FNTB: variants seen among roughly 807,000 people sequenced by gnomAD.
The protein encoded by FNTB is farnesyltransferase, CAAX box, subunit beta.
In FNTB, 27 loss-of-function variants were observed where a neutral mutation model predicts 59.4. That is an observed-to-expected ratio of 0.45 (90% CI 0.34 to 0.63). The LOEUF is 0.63. Ranked by LOEUF, FNTB falls within the 20% of genes least tolerant of loss-of-function variation. The pLI is 0.02. For synonymous variants in FNTB, 230 were observed against 220.7 expected (o/e 1.04, Z -0.37); for missense variants, 449 against 559.6 (o/e 0.80, Z 1.99).
At chr14:65,059,837 CTTTTTTTT>C (rs34459085) in intron 11 of FNTB, among the ~76,000 whole-genome samples, 7 of 134,242 alleles carry the variant, frequency 5.2e-5, no homozygotes, top group African/African-American at 2.0e-4. Context: ...GTCCTTTTTT[CTTTTTTTT>C]TTTTTTTTGA....
chr14:65,033,934 TAAAA>T (rs947856293), intron 7 of FNTB, among the ~76,000 whole-genome samples: 1 of 152,216 alleles, frequency 6.6e-6, no homozygotes, highest in African/African-American at 2.4e-5. Context: ...CTGTTTTAGT[TAAAA>T]AAATTTTATT....
In FNTB at chr14:65,018,809, TAAA is replaced by T. The variant is rs34066098; in HGVS notation, c.374+3110_374+3112del. ...TGGAGGACAGAGTGAGACTCTGTCT[TAAA>T]AAAAAAAAAAAAAAAAGGCCAGGCG... On this transcript the variant is annotated intron_variant, in intron 4 of 11. Coordinates refer to ENST00000246166, the MANE Select transcript of FNTB (RefSeq NM_002028.4). Among the ~76,000 whole-genome samples, 559 of 108,446 alleles carry T rather than the reference TAAA, an allele frequency of 5.2e-3. 9 individuals are homozygous for T. The highest frequency in any genetic ancestry group is 0.031 in the South Asian group (103 of 3,364). 71.1% of individuals were successfully genotyped at this position (108,446 alleles called of 152,430 possible).
chr14:65,043,374 T>G (rs2062395194), intron 8 of FNTB, among the ~76,000 whole-genome samples: 1 of 152,214 alleles, frequency 6.6e-6, no homozygotes, highest in African/African-American at 2.4e-5. Context: ...GTAAAAGATT[T>G]TCTTATATCA....
chr14:65,020,733 CTTT>C (rs71123901), intron 4 of FNTB, among the ~76,000 whole-genome samples: 1 of 123,320 alleles, frequency 8.1e-6, no homozygotes, highest in Non-Finnish European at 1.7e-5. Context: ...CGCGCCCGGC[CTTT>C]TTTTTTTTTT....
In FNTB at chr14:65,009,914, C is replaced by T. The variant is rs553400694; in HGVS notation, c.210-2403C>T. ...ACATGTGTGTCCACCTCTGGACTGT[C>T]GCTCTAGGGTACAGAGCAGCCTCTA... On this transcript the variant is annotated intron_variant, in intron 2 of 11. Transcript: ENST00000246166. The surrounding 1 kb of genome is among the most constrained non-coding windows in gnomAD (Gnocchi z 4.2). 3.9e-4 allele frequency among the ~76,000 whole-genome samples: 59 copies of T among 152,246 alleles called. No homozygotes were observed. The highest frequency in any genetic ancestry group is 1.3e-3 in the African/African-American group (52 of 41,528).
intron 7 of FNTB, among the ~76,000 whole-genome samples, chr14:65,039,290 A>G (rs2062288399): frequency 6.6e-6 from 1 of 152,208 alleles, no homozygotes; most frequent in South Asian, 2.1e-4. Context: ...TGAAATACAC[A>G]GAGGAATGGG....
rs1024185293 is a variant in FNTB, at chr14:64,991,831, G to T, written c.144+4734G>T. Among the ~76,000 whole-genome samples the T allele has an allele frequency of 1.3e-5, 2 of 152,094 alleles. No individual in the cohort carries two copies. The highest frequency in any genetic ancestry group is 4.8e-5 in the African/African-American group (2 of 41,410). ...AGGGAAGACTCAGGCTTGACTGGGG[G>T]CGTTAAGATGGCTTACCAGGAACGG... is the stretch of plus-strand genomic sequence containing the variant. On this transcript the variant is annotated intron_variant, in intron 1 of 11. Transcript: ENST00000246166. The surrounding 1 kb of genome is among the most constrained non-coding windows in gnomAD (Gnocchi z 4.4).
chr14:65,014,300 G>A lies in FNTB; in HGVS notation c.283-1325G>A, dbSNP rs77219633. ...TATGGTTTAATTAGGATCAAGAGCC[G>A]TCTGCATTTTGCCTTTGGAAGCCTT... On this transcript the variant is annotated intron_variant, in intron 3 of 11. Transcript: ENST00000246166. This position sits in a 1 kb window ranked among gnomAD's most constrained non-coding sequence, Gnocchi z 5.1. Among the ~76,000 whole-genome samples the A allele has an allele frequency of 0.053, 8,037 of 152,168 alleles. 504 individuals are homozygous for A. Among genetic ancestry groups the A allele is most frequent in the African/African-American group, 0.15 (6,274 of 41,472 alleles).
intron 8 of FNTB, among the ~76,000 whole-genome samples, chr14:65,043,668 A>G (rs12587257): frequency 0.56 from 82,696 of 148,208 alleles, 23,464 homozygotes; most frequent in African/African-American, 0.69. Context: ...TAAAAATACA[A>G]AAAATTAGCC....
At position 65,007,767 on chromosome 14, in the gene FNTB, A is replaced by C. The variant is rs2061617585; in HGVS notation, c.209+3454A>C. ...TTGAATGTACCCTTTTGCATTTATC[A>C]CCTTGGCTTTAATAAGAAACCTGAA... On this transcript the variant is annotated intron_variant, in intron 2 of 11. Coordinates refer to ENST00000246166, the MANE Select transcript of FNTB (RefSeq NM_002028.4). The surrounding 1 kb of genome is among the most constrained non-coding windows in gnomAD (Gnocchi z 4.9). 6.6e-6 allele frequency among the ~76,000 whole-genome samples: 1 copy of C among 152,108 alleles called. No individual in the cohort carries two copies. The highest frequency in any genetic ancestry group is 2.4e-5 in the African/African-American group (1 of 41,398).
At chr14:65,033,189 T>C (rs1419814948) in intron 7 of FNTB, among the ~76,000 whole-genome samples, 2 of 152,128 alleles carry the variant, frequency 1.3e-5, no homozygotes, top group Admixed American at 6.5e-5. Context: ...TAGAGTTACA[T>C]GTATCAATAT....
chr14:65,019,846 A>G (rs972558736), intron 4 of FNTB, among the ~76,000 whole-genome samples: 3 of 152,258 alleles, frequency 2.0e-5, no homozygotes, highest in African/African-American at 7.2e-5. Flanking sequence ...TTAGTAAGAT[A>G]CAGATAAATC....
At chr14:65,037,428 T>C (rs2062224479) in intron 7 of FNTB, among the ~76,000 whole-genome samples, 4 of 116,122 alleles carry the variant, frequency 3.4e-5, no homozygotes, top group Non-Finnish European at 7.0e-5. Context: ...TTTTTTTTTT[T>C]TTTTTTTTTT....
chr14:65,036,774 A>G (rs1349199394), intron 7 of FNTB, among the ~76,000 whole-genome samples: 1 of 152,002 alleles, frequency 6.6e-6, no homozygotes, highest in Non-Finnish European at 1.5e-5. Flanking sequence ...GCTCACTGCA[A>G]CCTCAGGTGC....
chr14:64,993,638 A>G (rs1005123112), intron 1 of FNTB, among the ~76,000 whole-genome samples: 1 of 152,190 alleles, frequency 6.6e-6, no homozygotes, highest in Non-Finnish European at 1.5e-5. Context: ...TTAGGCAGCA[A>G]ATCTACTTTC....
intron 1 of FNTB, chr14:65,003,640 G>C (rs1186776051): frequency 1.3e-5 from 2 of 152,144 alleles, no homozygotes; most frequent in Non-Finnish European, 1.5e-5. Context: ...GATTGTGGGC[G>C]AAGCCAGTTA....
chr14:65,053,807 G>T (rs2062668367), intron 10 of FNTB, among the ~76,000 whole-genome samples: 1 of 152,124 alleles, frequency 6.6e-6, no homozygotes. Context: ...TCTCACCTTT[G>T]TTACCCACCC....
chr14:65,005,491 TTCTTTCTTTC>T (rs966110558), intron 2 of FNTB, among the ~76,000 whole-genome samples: 1 of 138,090 alleles, frequency 7.2e-6, no homozygotes, highest in Non-Finnish European at 1.5e-5. Flanking sequence ...CTTTCTTTCT[TTCTTTCTTTC>T]TTTCTTTCTT....
intron 1 of FNTB, among the ~76,000 whole-genome samples, chr14:64,989,765 TA>T (rs1329029318): frequency 6.6e-6 from 1 of 152,230 alleles, no homozygotes; most frequent in African/African-American, 2.4e-5. Flanking sequence ...CATAAGTTGT[TA>T]AACAAAAGAG....
Sources: gnomAD v4.1 joint callset for allele counts (sites outside exome capture counted in the v4.1 genomes callset) on GRCh38, gnomAD v4.1.1 for gene constraint, Gnocchi (gnomAD v3.1) non-coding constraint, MANE v1.5 for transcripts, NCBI Gene and HGNC (gene_info 2026-07-23, HGNC 2026-07-21) for gene names.